Variants in DNAH17 observed in about 807,000 individuals in gnomAD.
DNAH17 encodes axonemal beta dynein heavy chain 17.
In DNAH17, 376 loss-of-function variants were observed where a neutral mutation model predicts 485.6. The observed-to-expected ratio is 0.77, with a 90% CI of 0.71 to 0.84. The LOEUF (loss-of-function observed/expected upper bound fraction) is 0.84. Among genes scored for constraint, DNAH17 ranks in the 40% least tolerant of loss-of-function variants. The pLI is 0.00. For synonymous variants in DNAH17, 3,031 were observed against 2,405.9 expected (o/e 1.26, Z -7.60); for missense variants, 6,370 against 5,839.3 (o/e 1.09, Z -2.96).
At chr17:78,456,057 G>A (rs1485766916) in intron 62 of DNAH17, among the ~76,000 whole-genome samples, 1 of 152,076 alleles carries the variant, frequency 6.6e-6, no homozygotes, top group Non-Finnish European at 1.5e-5. Context: ...CCAGCACTTT[G>A]GGAGGCTGAG....
chr17:78,503,596 T>G (rs1007555747), intron 31 of DNAH17, among the ~76,000 whole-genome samples: 2 of 152,076 alleles, frequency 1.3e-5, no homozygotes, highest in East Asian at 3.9e-4. Context: ...AAGCGATGCT[T>G]CCACCTCAGC....
chr17:78,455,934 T>G, intron 62 of DNAH17, 98 bp from the exon 63 acceptor site: 21 of 1,064,060 alleles, frequency 2.0e-5, no homozygotes, highest in Non-Finnish European at 2.4e-5. Context: ...CTTCAGAGTT[T>G]CCCGTCTGCA....
chr17:78,446,420 C>T (rs368911749), intron 69 of DNAH17, among the ~76,000 whole-genome samples: 11 of 152,060 alleles, frequency 7.2e-5, no homozygotes, highest in African/African-American at 2.2e-4. Flanking sequence ...AAGCACACGA[C>T]ATGCCCCGTT....
rs369380528 is a variant in DNAH17 at position 78,574,857 on chromosome 17, G to A, written c.201C>T (p.Gly67=). The A allele has an allele frequency of 3.0e-4, 490 of 1,614,032 alleles. 3 individuals carry two copies. In the African/African-American group the frequency reaches 5.6e-3, roughly 18 times the overall value. Residue 67 remains glycine, a synonymous_variant, in exon 2 of 81, where the codon GGC becomes GGT. Coordinates refer to ENST00000389840, the MANE Select transcript of DNAH17 (RefSeq NM_173628.4). ...NAAGMIIPCL[G]FPQSLKSKGV... is the part of the protein sequence containing the mutation. Reference sequence around the variant, plus strand: ...CTTTGGACTTGAGGGACTGGGGGAAGCCCAGGCAGGGTATGATCATGCCGG... The same window carrying A: ...CTTTGGACTTGAGGGACTGGGGGAAACCCAGGCAGGGTATGATCATGCCGG...
In DNAH17 at chr17:78,447,832, GC is replaced by G. The variant is rs2087375084; in HGVS notation, c.11211+1581del. The stretch of plus-strand genomic sequence containing the variant: ...CCAACCTGTTTATACAATTAGTGTT[GC>G]CCAGCCTGGGCAATGTAGCAAGACC... On this transcript the variant is annotated intron_variant, in intron 69 of 80. Transcript: ENST00000389840. Among the ~76,000 whole-genome samples the G allele has an allele frequency of 2.6e-5, 4 of 152,258 alleles. No individual in the cohort carries two copies. In the South Asian group the frequency reaches 8.3e-4, roughly 32 times the overall value.
chr17:78,534,473 A>G (rs995786849), intron 19 of DNAH17, among the ~76,000 whole-genome samples: 4 of 152,202 alleles, frequency 2.6e-5, no homozygotes, highest in Non-Finnish European at 4.4e-5. Flanking sequence ...GCTGCAGGAA[A>G]GCATTTGGTG....
At chr17:78,502,527 G>A in intron 33 of DNAH17, 64 bp downstream of exon 33, 1 of 1,447,514 alleles carries the variant, frequency 6.9e-7, no homozygotes. Flanking sequence ...AGGATACACG[G>A]GCCCATGCAC....
At chr17:78,545,072 G>T (rs962113381) in intron 16 of DNAH17, among the ~76,000 whole-genome samples, 1 of 135,464 alleles carries the variant, frequency 7.4e-6, no homozygotes, top group African/African-American at 2.9e-5. Flanking sequence ...TATCATTTAC[G>T]GACTCTACAT....
intron 14 of DNAH17, among the ~76,000 whole-genome samples, chr17:78,556,574 G>A (rs1190684856): frequency 1.3e-5 from 2 of 152,114 alleles, no homozygotes; most frequent in African/African-American, 2.4e-5. Flanking sequence ...AAAGTTGTAT[G>A]GTACAAATGG....
At chr17:78,552,623 G>A (rs1028848865) in intron 15 of DNAH17, 74 bp downstream of exon 15, 11 of 1,048,300 alleles carry the variant, frequency 1.0e-5, no homozygotes, top group Non-Finnish European at 1.6e-5. Context: ...CACTCTAGTG[G>A]TGTTTGAGGA....
At chr17:78,452,999 T>C (rs1016290572) in intron 65 of DNAH17, among the ~76,000 whole-genome samples, 1 of 152,088 alleles carries the variant, frequency 6.6e-6, no homozygotes, top group African/African-American at 2.4e-5. Flanking sequence ...TATTTTAATG[T>C]GGTTAATTTT....
At chr17:78,535,526 A>C (rs1418739306) in intron 19 of DNAH17, among the ~76,000 whole-genome samples, 4 of 152,160 alleles carry the variant, frequency 2.6e-5, no homozygotes, top group African/African-American at 9.7e-5. Flanking sequence ...GCATCCAAGC[A>C]CACGCGTACA....
At chr17:78,551,753 G>T in intron 15 of DNAH17, 115 bp from the exon 16 acceptor site, 1 of 936,910 alleles carries the variant, frequency 1.1e-6, no homozygotes, top group Non-Finnish European at 1.7e-6. Flanking sequence ...CACGAGGTCG[G>T]GAGTTCGAGA....
intron 22 of DNAH17, 131 bp downstream of exon 22, chr17:78,529,341 G>T: frequency 1.1e-6 from 1 of 893,750 alleles, no homozygotes. Context: ...CTGTTCCATG[G>T]GGATCTGATG....
Position 78,478,515 on chromosome 17 carries a change from TCAC to T in DNAH17, c.7992+507_7992+509del, listed in dbSNP as rs543129626. Reference sequence around the variant, plus strand: ...ACCATCATTATCACCACCATCACCCTCACCACCACCATCACTATCATCACCACC... The same window carrying T: ...ACCATCATTATCACCACCATCACCCTCACCACCATCACTATCATCACCACC... On this transcript the variant is annotated intron_variant, in intron 51 of 80. Transcript: ENST00000389840. 1.8e-3 allele frequency among the ~76,000 whole-genome samples: 259 copies of T among 145,954 alleles called. 1 individual carries two copies. Among genetic ancestry groups the T allele is most frequent in the African/African-American group, 5.8e-3 (225 of 38,830 alleles).
chr17:78,546,890 G>C (rs771580940), intron 16 of DNAH17, among the ~76,000 whole-genome samples: 5 of 146,182 alleles, frequency 3.4e-5, no homozygotes, highest in South Asian at 2.2e-4. Context: ...GGGTGACAGA[G>C]TAAGACTCCA....
intron 44 of DNAH17, 57 bp from the exon 45 acceptor site, chr17:78,486,563 C>T: frequency 6.5e-7 from 1 of 1,537,612 alleles, no homozygotes; most frequent in Non-Finnish European, 8.8e-7. Flanking sequence ...TGCCAGTGTC[C>T]CTGCCTTGGT....
Position 78,439,110 on chromosome 17 carries a change from C to CT in DNAH17, c.11784dup (p.Gly3929ArgfsTer32). On this transcript the variant is annotated frameshift_variant, in exon 73 of 81. Transcript: ENST00000389840. LOFTEE classifies it high-confidence loss of function. ...CGTACCTGCAGAATGACCCAGTGTC[C>CT]TTTCTCTGCAGCCACGTCCAGGGCG... 1 of 1,613,476 alleles carries CT rather than the reference C, an allele frequency of 6.2e-7. No homozygotes were observed. The highest frequency in any genetic ancestry group is 8.5e-7 in the Non-Finnish European group (1 of 1,179,792).
At chr17:78,460,761 T>C (rs1007281936) in intron 58 of DNAH17, among the ~76,000 whole-genome samples, 8 of 152,316 alleles carry the variant, frequency 5.3e-5, no homozygotes, top group African/African-American at 1.9e-4. Context: ...TGAGACCGCC[T>C]TGACTTTGCA....
Sources: gnomAD v4.1 joint callset for allele counts (sites outside exome capture counted in the v4.1 genomes callset) on GRCh38, gnomAD v4.1.1 for gene constraint, MANE v1.5 for transcripts, NCBI Gene and HGNC (gene_info 2026-07-23, HGNC 2026-07-21) for gene names.